The following ST6GALNAC3 variants were observed in gnomAD, a reference collection of about 807,000 sequenced individuals.
The protein encoded by ST6GALNAC3 is alpha-N-acetylgalactosaminide alpha-2,6-sialyltransferase 3.
In ST6GALNAC3, 25 loss-of-function variants were observed where a neutral mutation model predicts 32.7. The ratio of observed to expected loss-of-function variants is 0.76; its 90% CI spans 0.56 to 1.07. ST6GALNAC3 has a LOEUF of 1.07. Among genes scored for constraint, ST6GALNAC3 ranks in the 50% least tolerant of loss-of-function variants. The probability of loss-of-function intolerance (pLI) is 0.00; values close to 1 mark genes in which losing one functional copy is unlikely to be tolerated. For synonymous variants in ST6GALNAC3, 129 were observed against 133.1 expected (o/e 0.97, Z 0.21); for missense variants, 355 against 382.4 (o/e 0.93, Z 0.60).
intron 3 of ST6GALNAC3, among the ~76,000 whole-genome samples, chr1:76,559,355 A>C (rs1396200457): frequency 6.6e-6 from 1 of 152,236 alleles, no homozygotes; most frequent in East Asian, 1.9e-4. Flanking sequence ...CCCATACCTC[A>C]CACAACCCTC....
chr1:76,415,513 T>A (rs1654557957), intron 3 of ST6GALNAC3, among the ~76,000 whole-genome samples: 1 of 152,052 alleles, frequency 6.6e-6, no homozygotes, highest in Non-Finnish European at 1.5e-5. Context: ...CTTACAGACT[T>A]AAACATACTT....
intron 3 of ST6GALNAC3, among the ~76,000 whole-genome samples, chr1:76,617,305 A>G (rs1208058481): frequency 6.6e-6 from 1 of 152,152 alleles, no homozygotes; most frequent in East Asian, 1.9e-4. Context: ...TCTAAAAACT[A>G]AAGTGTCAGG....
intron 3 of ST6GALNAC3, among the ~76,000 whole-genome samples, chr1:76,550,768 G>C (rs938744626): frequency 1.3e-5 from 2 of 151,902 alleles, no homozygotes; most frequent in African/African-American, 4.8e-5. Flanking sequence ...TTTGTTTTTT[G>C]AGACGGAGTT....
chr1:76,425,525 G>T (rs990836716), intron 3 of ST6GALNAC3, among the ~76,000 whole-genome samples: 8 of 151,960 alleles, frequency 5.3e-5, no homozygotes, highest in African/African-American at 1.4e-4. Flanking sequence ...GTCAGTCATT[G>T]TTCTAGATGT....
chr1:76,225,447 G>A (rs999419446), intron 1 of ST6GALNAC3, among the ~76,000 whole-genome samples: 2 of 152,086 alleles, frequency 1.3e-5, no homozygotes, highest in Admixed American at 1.3e-4. Context: ...TAATGAAGAT[G>A]AGAAACAGAG....
intron 3 of ST6GALNAC3, among the ~76,000 whole-genome samples, chr1:76,557,846 G>A (rs1665018316): frequency 6.6e-6 from 1 of 152,002 alleles, no homozygotes; most frequent in African/African-American, 2.4e-5. Flanking sequence ...TTGTAGAATG[G>A]GAATGTGTGG....
At chr1:76,096,292 T>G (rs1022891580) in intron 1 of ST6GALNAC3, among the ~76,000 whole-genome samples, 2 of 152,140 alleles carry the variant, frequency 1.3e-5, no homozygotes, top group Non-Finnish European at 2.9e-5. Context: ...ATATTTAGTT[T>G]GCGAACCTGG....
At chr1:76,444,269 A>G (rs1420308036) in intron 3 of ST6GALNAC3, among the ~76,000 whole-genome samples, 1 of 152,140 alleles carries the variant, frequency 6.6e-6, no homozygotes, top group Non-Finnish European at 1.5e-5. Flanking sequence ...TCCTTTCTCA[A>G]TTTTCTGAGG....
intron 1 of ST6GALNAC3, among the ~76,000 whole-genome samples, chr1:76,221,141 G>A (rs147762832): frequency 1.3e-5 from 2 of 152,294 alleles, no homozygotes; most frequent in East Asian, 1.9e-4. Context: ...GAAGTGATGG[G>A]TGGAATGGAT....
chr1:76,499,804 A>T (rs1342781373), intron 3 of ST6GALNAC3, among the ~76,000 whole-genome samples: 1 of 152,218 alleles, frequency 6.6e-6, no homozygotes, highest in Non-Finnish European at 1.5e-5. Flanking sequence ...AATCTATTCC[A>T]TGGATGTACT....
intron 1 of ST6GALNAC3, among the ~76,000 whole-genome samples, chr1:76,185,577 C>T (rs537455543): frequency 1.3e-5 from 2 of 152,180 alleles, no homozygotes; most frequent in Non-Finnish European, 2.9e-5. Flanking sequence ...GGGCTCCTCA[C>T]CCCTGATGCA....
chr1:76,202,292 G>GTGTT (rs1654570775), intron 1 of ST6GALNAC3, among the ~76,000 whole-genome samples: 1 of 149,438 alleles, frequency 6.7e-6, no homozygotes, highest in Non-Finnish European at 1.5e-5. Context: ...GTGTGTGTGT[G>GTGTT]TGTGTGTGTG....
At position 76,279,091 on chromosome 1, in the gene ST6GALNAC3, C is replaced by T. The variant is rs144605952; in HGVS notation, c.19-34714C>T. 4.3e-3 allele frequency among the ~76,000 whole-genome samples: 657 copies of T among 152,210 alleles called. 4 individuals carry two copies. The highest frequency in any genetic ancestry group is 6.2e-3 in the Non-Finnish European group (424 of 68,028). On this transcript the variant is annotated intron_variant, in intron 1 of 4. Coordinates refer to ENST00000328299, the MANE Select transcript of ST6GALNAC3 (RefSeq NM_152996.4). ...GCTGGCTGAGGGGGCCACTTGGCTC[C>T]CAGGGAGGAGATTTTGCACACCTGA... is the stretch of plus-strand genomic sequence containing the variant.
chr1:76,421,959 C>A (rs1246452610), intron 3 of ST6GALNAC3, among the ~76,000 whole-genome samples: 1 of 151,944 alleles, frequency 6.6e-6, no homozygotes, highest in Non-Finnish European at 1.5e-5. Flanking sequence ...GAAATCCTTA[C>A]CTCACATACC....
At chr1:76,224,148 G>A (rs892854215) in intron 1 of ST6GALNAC3, among the ~76,000 whole-genome samples, 4 of 152,036 alleles carry the variant, frequency 2.6e-5, no homozygotes, top group African/African-American at 9.7e-5. Flanking sequence ...TACTTATAAT[G>A]TCCTTTCCTC....
At chr1:76,214,744 A>T (rs13376512) in intron 1 of ST6GALNAC3, among the ~76,000 whole-genome samples, 3 of 152,244 alleles carry the variant, frequency 2.0e-5, no homozygotes, top group African/African-American at 7.2e-5. Flanking sequence ...TTCAGTTTTC[A>T]TCAAGTTAAA....
At chr1:76,081,979 A>G (rs974127551) in intron 1 of ST6GALNAC3, among the ~76,000 whole-genome samples, 4 of 152,204 alleles carry the variant, frequency 2.6e-5, no homozygotes, top group Non-Finnish European at 2.9e-5. Flanking sequence ...CGTTATTAGT[A>G]TTATTAGTAC....
chr1:76,570,189 A>G (rs1665777954), intron 3 of ST6GALNAC3, among the ~76,000 whole-genome samples: 1 of 152,312 alleles, frequency 6.6e-6, no homozygotes, highest in East Asian at 1.9e-4. Flanking sequence ...TCTTAAATCA[A>G]GAAGACATTT....
intron 1 of ST6GALNAC3, among the ~76,000 whole-genome samples, chr1:76,262,269 A>G (rs1052779797): frequency 1.3e-5 from 2 of 152,156 alleles, no homozygotes; most frequent in Admixed American, 1.3e-4. Context: ...AGATTTACCA[A>G]ATTTTCCCAG....
Sources: gnomAD v4.1 joint callset for allele counts (sites outside exome capture counted in the v4.1 genomes callset) on GRCh38, gnomAD v4.1.1 for gene constraint, MANE v1.5 for transcripts, NCBI Gene and HGNC (gene_info 2026-07-23, HGNC 2026-07-21) for gene names.